Variants in DOCK11 observed in about 807,000 individuals in gnomAD.
DOCK11 encodes dedicator of cytokinesis protein 11.
Under a neutral mutation model 169.1 loss-of-function variants are expected in DOCK11, and 70 were observed. That is an observed-to-expected ratio of 0.41 (90% CI 0.34 to 0.51). The LOEUF is 0.51. Among genes scored for constraint, DOCK11 ranks in the 20% least tolerant of loss-of-function variants. The pLI, the probability that DOCK11 is intolerant of heterozygous loss-of-function variation, is 0.10. For synonymous variants in DOCK11, 529 were observed against 541.3 expected, an observed-to-expected ratio of 0.98 and a Z score of 0.32; for missense variants, 1,166 against 1,538.8, an observed-to-expected ratio of 0.76 and a Z score of 4.05.
At chrX:118,641,913 A>G (rs1054931855) in intron 39 of DOCK11, among the ~76,000 whole-genome samples, 4 of 111,285 alleles carry the variant, frequency 3.6e-5, no homozygotes, top group Non-Finnish European at 5.6e-5. Context: ...CACTTCAGTT[A>G]TACAGATTTT....
chrX:118,624,609 T>G lies in DOCK11; in HGVS notation c.3542T>G (p.Leu1181Ter). 8.3e-7 allele frequency: 1 copy of G among 1,208,940 alleles called. No homozygotes were observed. The highest frequency in any genetic ancestry group is 1.1e-6 in the Non-Finnish European group (1 of 893,164). ...VGLLLENIQR[L>*]AGRDTLYSCA... is the part of the protein sequence containing the mutation. Reference sequence around the variant, plus strand: ...CTACTTTTGGAAAATATACAGCGATTAGCAGGTCGAGATACCTTGTATTCT... The same window carrying G: ...CTACTTTTGGAAAATATACAGCGATGAGCAGGTCGAGATACCTTGTATTCT... The change falls in exon 32 of 53, where the codon TTA (leucine) becomes TGA (stop). Residue 1181 changes from leucine (L) to a stop codon, truncating the protein, a stop_gained. Transcript: ENST00000276202. LOFTEE classifies it high-confidence loss of function.
intron 4 of DOCK11, 44 bp downstream of exon 4, chrX:118,543,637 A>T (rs757577872): frequency 9.1e-7 from 1 of 1,101,304 alleles, no homozygotes; most frequent in South Asian, 1.8e-5. Flanking sequence ...GAGAATTATT[A>T]AGCTTTTTTA....
At chrX:118,639,653 T>C (rs750767494) in intron 38 of DOCK11, 76 bp downstream of exon 38, 54 of 1,042,647 alleles carry the variant, frequency 5.2e-5, no homozygotes, top group Non-Finnish European at 7.0e-5. Context: ...CTGAAGGTGA[T>C]GGATACCATA....
chrX:118,536,237 T>A (rs1175812212), intron 1 of DOCK11, among the ~76,000 whole-genome samples: 1 of 110,156 alleles, frequency 9.1e-6, no homozygotes, highest in African/African-American at 3.3e-5. Context: ...AGGTTGAGGC[T>A]GCAGTGAGCT....
At chrX:118,646,077 C>CACA (rs1171331944) in intron 40 of DOCK11, among the ~76,000 whole-genome samples, 24 of 70,463 alleles carry the variant, frequency 3.4e-4, no homozygotes, top group African/African-American at 1.1e-3. Flanking sequence ...AAAAAAAAAA[C>CACA]ACAACAACAA....
chrX:118,619,751 C>T lies in DOCK11; in HGVS notation c.3471+1023C>T, dbSNP rs1319438764. Among the ~76,000 whole-genome samples, 8 of 109,167 alleles carry T rather than the reference C, an allele frequency of 7.3e-5. No individual in the cohort carries two copies. In the East Asian group the frequency reaches 1.1e-3, roughly 15 times the overall value. 94.8% of individuals were successfully genotyped at this position (109,167 alleles called of 115,157 possible). A position where few individuals can be genotyped will look rare whatever the true frequency, so the allele number is the denominator to read the frequency against. On this transcript the variant is annotated intron_variant, in intron 31 of 52. Coordinates refer to ENST00000276202, the MANE Select transcript of DOCK11 (RefSeq NM_144658.4). ...TGGGTGTGGCTATAAATTTTACATA[C>T]GTTACACTGTTGTCTATGAGTAACG...
Position 118,685,896 on chromosome X carries a change from C to T in DOCK11, c.*89C>T. The T allele has an allele frequency of 9.2e-7, 1 of 1,092,895 alleles. No homozygotes were observed. Among genetic ancestry groups the T allele is most frequent in the East Asian group, 3.2e-5 (1 of 31,542 alleles). 90.1% of individuals were successfully genotyped at this position (1,092,895 alleles called of 1,213,427 possible). A position where few individuals can be genotyped will look rare whatever the true frequency, so the allele number is the denominator to read the frequency against. On this transcript the variant is annotated 3_prime_UTR_variant, in exon 53 of 53. Transcript: ENST00000276202. ...TGTTAAAATTTAAAGATTTGATATA[C>T]ATGGAGTGTTTCTTCTCGACACCAA...
At chrX:118,648,212 ATAT>A (rs1368902884) in intron 40 of DOCK11, among the ~76,000 whole-genome samples, 6 of 82,568 alleles carry the variant, frequency 7.3e-5, no homozygotes, top group Non-Finnish European at 1.1e-4. Context: ...TAATATTATA[ATAT>A]TATATAATAA....
In DOCK11 at chrX:118,580,108, G is replaced by A. The variant is rs1331455434; in HGVS notation, c.1524G>A (p.Lys508=). 15 of 1,206,679 alleles carry A rather than the reference G, an allele frequency of 1.2e-5. No homozygotes were observed. Among genetic ancestry groups the A allele is most frequent in the Non-Finnish European group, 1.7e-5 (15 of 893,898 alleles). Residue 508 remains lysine (K), a synonymous_variant, in exon 14 of 53, where the codon AAG becomes AAA. Coordinates refer to ENST00000276202, the MANE Select transcript of DOCK11 (RefSeq NM_144658.4). Reference sequence around the variant, plus strand: ...GTTTCTGACCTTAGACGGCCCAGAAGGTGCACAGGACAGCTAAACAAGTGT... The same window carrying A: ...GTTTCTGACCTTAGACGGCCCAGAAAGTGCACAGGACAGCTAAACAAGTGT... ...KNSDPVKTAQ[K]VHRTAKQVCS... is the part of the protein sequence containing the mutation.
intron 51 of DOCK11, 112 bp downstream of exon 51, chrX:118,681,906 C>A: frequency 1.9e-6 from 1 of 525,320 alleles, no homozygotes; most frequent in East Asian, 4.0e-5. Flanking sequence ...GGGACATTCT[C>A]TGTGGTCTTT....
At chrX:118,591,432 A>G (rs2013988267) in intron 19 of DOCK11, among the ~76,000 whole-genome samples, 1 of 111,220 alleles carries the variant, frequency 9.0e-6, no homozygotes, top group Admixed American at 9.5e-5. Context: ...TATGAATGAT[A>G]ATTGGACCAG....
intron 12 of DOCK11, among the ~76,000 whole-genome samples, chrX:118,576,400 C>G (rs1347464881): frequency 2.7e-5 from 3 of 111,907 alleles, no homozygotes; most frequent in Non-Finnish European, 5.6e-5. Flanking sequence ...CTCTGGCCAC[C>G]TTTTGCATTC....
At chrX:118,625,914 G>T (rs1002806942) in intron 32 of DOCK11, among the ~76,000 whole-genome samples, 6 of 111,015 alleles carry the variant, frequency 5.4e-5, no homozygotes, top group Non-Finnish European at 1.1e-4. Context: ...AGACCTAAAA[G>T]GTTTTCTATC....
rs767301075 is a variant in DOCK11 at position 118,499,688 on chromosome X, A to G, written c.102+3615A>G. 2.1e-4 allele frequency among the ~76,000 whole-genome samples: 24 copies of G among 112,304 alleles called. No individual in the cohort carries two copies. The Admixed American group carries it at 2.2e-3, about 10-fold the overall frequency. On this transcript the variant is annotated intron_variant, in intron 1 of 52. Transcript: ENST00000276202. ...CCTCATCTCTAAGGAGGTGAGAACA[A>G]TACGGAATAAAAGCCAGTTTCAACT...
intron 1 of DOCK11, among the ~76,000 whole-genome samples, chrX:118,528,811 T>A (rs1292347231): frequency 9.2e-5 from 7 of 75,950 alleles, no homozygotes; most frequent in Admixed American, 4.3e-4. Context: ...ACAGACTAAA[T>A]GTGAGCTTCA....
chrX:118,548,169 T>A (rs1225308756), intron 6 of DOCK11, among the ~76,000 whole-genome samples: 1 of 112,893 alleles, frequency 8.9e-6, no homozygotes, highest in Non-Finnish European at 1.9e-5. Flanking sequence ...GAAATTAATA[T>A]CTTTACAGAA....
Position 118,680,597 on chromosome X carries a change from A to G in DOCK11, c.5576A>G (p.Asn1859Ser). 1 of 1,210,837 alleles carries G rather than the reference A, an allele frequency of 8.3e-7. No homozygotes were observed. Residue 1859 changes from asparagine to serine, a missense_variant, in exon 49 of 53, where the codon AAT (asparagine) becomes AGT (serine). By Grantham distance (46) the Asn-to-Ser change is conservative. Coordinates refer to ENST00000276202, the MANE Select transcript of DOCK11 (RefSeq NM_144658.4). The part of the protein sequence containing the change: ...ERKTEFERNH[N>S]ISRFVFEAPY... ...AAGACCGAGTTTGAAAGAAATCATAATATCAGCAGATTTGTTTTTGAGGCC... is the reference window on the plus strand; with the variant it reads ...AAGACCGAGTTTGAAAGAAATCATAGTATCAGCAGATTTGTTTTTGAGGCC...
At chrX:118,676,543 G>A (rs1219586339) in intron 47 of DOCK11, 48 bp from the exon 48 acceptor site, 2 of 783,419 alleles carry the variant, frequency 2.6e-6, no homozygotes, top group African/African-American at 4.3e-5. Context: ...TAAATGTTGT[G>A]TTTGCTCATA....
At chrX:118,585,228 A>G (rs911180115) in intron 16 of DOCK11, 111 bp downstream of exon 16, 7 of 682,622 alleles carry the variant, frequency 1.0e-5, no homozygotes, top group Non-Finnish European at 1.6e-5. Context: ...CAGGGTTGCC[A>G]TAGCACAAAG....
Sources: gnomAD v4.1 joint callset for allele counts (sites outside exome capture counted in the v4.1 genomes callset) on GRCh38, gnomAD v4.1.1 for gene constraint, MANE v1.5 for transcripts, NCBI Gene and HGNC (gene_info 2026-07-23, HGNC 2026-07-21) for gene names.